Variants in PHYH observed in about 807,000 individuals in gnomAD.
The protein encoded by PHYH is phytanoyl-CoA dioxygenase, peroxisomal.
A neutral mutation model predicts 38.5 loss-of-function variants in PHYH; 32 were observed. The observed-to-expected ratio is 0.83, with a 90% CI of 0.63 to 1.12. The LOEUF is 1.12. PHYH is among the 50% of genes most tolerant of loss of function. The pLI, the probability that PHYH is intolerant of heterozygous loss-of-function variation, is 0.00. For synonymous variants in PHYH, 166 were observed against 157.9 expected (o/e 1.05, Z -0.38); for missense variants, 426 against 434.8 (o/e 0.98, Z 0.18).
intron 6 of PHYH, 54 bp from the exon 7 acceptor site, chr10:13,283,893 C>G: frequency 7.0e-6 from 10 of 1,432,692 alleles, no homozygotes; most frequent in Non-Finnish European, 9.9e-6. Flanking sequence ...TAATTAAAAA[C>G]ATTGTCAATG....
At position 13,281,096 on chromosome 10, in the gene PHYH, A is replaced by G; in HGVS notation, c.843T>C (p.His281=). Residue 281 remains histidine, a synonymous_variant, in exon 8 of 9, where the codon CAT becomes CAC. Transcript: ENST00000263038. ...TQGFRKAISC[H]FASADCHYID... ...TGTAGTGGCAATCGGCACTGGCGAA[A>G]TGGCAGGAAATTGCCTGTGCAAAGT... is the stretch of plus-strand genomic sequence containing the variant. 6.2e-7 allele frequency: 1 copy of G among 1,614,242 alleles called. No homozygotes were observed. The highest frequency in any genetic ancestry group is 1.3e-5 in the African/African-American group (1 of 75,068).
At chr10:13,284,798 GGTAA>G (rs3839913) in intron 6 of PHYH, among the ~76,000 whole-genome samples, 10,472 of 152,186 alleles carry the variant, frequency 0.069, 471 homozygotes, top group Non-Finnish European at 0.11. Flanking sequence ...TAGGAGTCAG[GGTAA>G]GGGAAGCAGC....
chr10:13,284,026 T>A (rs1208979484), intron 6 of PHYH, among the ~76,000 whole-genome samples, 187 bp from the exon 7 acceptor site: 1 of 152,168 alleles, frequency 6.6e-6, no homozygotes, highest in African/African-American at 2.4e-5. Context: ...ATCTGGTTTT[T>A]AAGAGTCACA....
chr10:13,288,037 G>A (rs183899738), intron 6 of PHYH, among the ~76,000 whole-genome samples: 60 of 152,266 alleles, frequency 3.9e-4, no homozygotes, highest in Admixed American at 2.9e-3. Context: ...AAAATTAGCC[G>A]GGCGTGGTGG....
chr10:13,298,245 C>G lies in PHYH; in HGVS notation c.76G>C (p.Val26Leu). The part of the protein sequence containing the change: ...HLGRPSAGAV[V>L]AHPTSGTISS... ...ATAGTCCCTGAAGTGGGATGAGCTA[C>G]CTAGGATGTGAATTAAGGCAAATAA... The change falls in exon 2 of 9, where the codon GTA becomes CTA. Residue 26 changes from valine (V) to leucine (L), a missense_variant and splice_region_variant. Coordinates refer to ENST00000263038, the MANE Select transcript of PHYH (RefSeq NM_006214.4). The G allele has an allele frequency of 6.3e-7, 1 of 1,593,792 alleles. No homozygotes were observed. The highest frequency in any genetic ancestry group is 8.6e-7 in the Non-Finnish European group (1 of 1,161,664).
intron 6 of PHYH, among the ~76,000 whole-genome samples, chr10:13,287,306 T>A (rs1835576754): frequency 6.6e-6 from 1 of 151,912 alleles, no homozygotes; most frequent in African/African-American, 2.4e-5. Context: ...GCCATTACAC[T>A]CTAGCCTGGT....
At chr10:13,296,741 C>A (rs913566288) in intron 2 of PHYH, among the ~76,000 whole-genome samples, 1 of 136,932 alleles carries the variant, frequency 7.3e-6, no homozygotes, top group Non-Finnish European at 1.6e-5. Flanking sequence ...GGGCGGATCA[C>A]GAGGTCAGAT....
At chr10:13,282,029 T>G (rs1198476988) in intron 7 of PHYH, among the ~76,000 whole-genome samples, 2 of 151,978 alleles carry the variant, frequency 1.3e-5, no homozygotes, top group African/African-American at 4.8e-5. Context: ...GAGGATCACT[T>G]GAGGCCAGGA....
At position 13,300,007 on chromosome 10, in the gene PHYH, A is replaced by G. The variant is rs1832707187; in HGVS notation, c.36T>C (p.Ile12=). ...AGGGGCGGCCGAGGTGGCCCAGAAC[A>G]ATCTGCAGACGGGCGGCGGCGCGAA... ...EQLRAAARLQ[I]VLGHLGRPSA... The change falls in exon 1 of 9, where the codon ATT becomes ATC. Residue 12 remains isoleucine, a synonymous_variant. Coordinates refer to ENST00000263038, the MANE Select transcript of PHYH (RefSeq NM_006214.4). 3 of 1,532,614 alleles carry G rather than the reference A, an allele frequency of 2.0e-6. No individual in the cohort carries two copies. The highest frequency in any genetic ancestry group is 2.6e-6 in the Non-Finnish European group (3 of 1,144,560). The allele number at this position is 1,532,614 out of a possible 1,614,324, so 94.9% of individuals were successfully genotyped here. A position where few individuals can be genotyped will look rare whatever the true frequency, so the allele number is the denominator to read the frequency against.
At chr10:13,283,984 CA>C (rs1835482908) in intron 6 of PHYH, 145 bp from the exon 7 acceptor site, 1 of 853,020 alleles carries the variant, frequency 1.2e-6, no homozygotes, top group Non-Finnish European at 2.0e-6. Flanking sequence ...TAAATGCTTA[CA>C]TTTTTTTCAG....
intron 5 of PHYH, chr10:13,291,530 T>C (rs1835710493): frequency 2.4e-6 from 1 of 414,954 alleles, no homozygotes; most frequent in South Asian, 2.5e-5. Flanking sequence ...TCACGCAGGC[T>C]GGAGAGCATG....
intron 6 of PHYH, 67 bp from the exon 7 acceptor site, chr10:13,283,906 TCATCAGGGAAAGCAAA>T: frequency 7.6e-7 from 1 of 1,311,722 alleles, no homozygotes; most frequent in Non-Finnish European, 1.1e-6. Flanking sequence ...TGTCAATGGT[TCATCAGGGAAAGCAAA>T]CATCAGGGAA....
Position 13,285,965 on chromosome 10 carries a change from T to C in PHYH, c.679-2126A>G, listed in dbSNP as rs182678928. Among the ~76,000 whole-genome samples, 353 of 152,142 alleles carry C rather than the reference T, an allele frequency of 2.3e-3. 2 individuals are homozygous for C. Among genetic ancestry groups the C allele is most frequent in the African/African-American group, 8.1e-3 (338 of 41,506 alleles). ...CTCTGTCACCCAGGCTGGAGTGCAG[T>C]GGCACCAACATAGCCCACTGCAGCC... On this transcript the variant is annotated intron_variant, in intron 6 of 8. Transcript: ENST00000263038.
rs7916926 is a variant in PHYH at position 13,298,293 on chromosome 10, A to G, written c.76-48T>C. 536,004 of 1,190,732 alleles carry G rather than the reference A, an allele frequency of 0.45. 126,458 individuals are homozygous for G. The highest frequency in any genetic ancestry group is 0.67 in the East Asian group (28,564 of 42,408). The allele number at this position is 1,190,732 out of a possible 1,614,324, so 73.8% of individuals were successfully genotyped here. Reference sequence around the variant, plus strand: ...TAAAGTAAAATATAGAAGGCCAGGCACGGTGGCTCATGCCTGTAATTCCAG... The same window carrying G: ...TAAAGTAAAATATAGAAGGCCAGGCGCGGTGGCTCATGCCTGTAATTCCAG... On this transcript the variant is annotated intron_variant, in intron 1 of 8. Coordinates refer to ENST00000263038, the MANE Select transcript of PHYH (RefSeq NM_006214.4).
At chr10:13,297,058 T>G (rs1287529822) in intron 2 of PHYH, among the ~76,000 whole-genome samples, 2 of 151,998 alleles carry the variant, frequency 1.3e-5, no homozygotes, top group Admixed American at 6.6e-5. Flanking sequence ...AGACACTATA[T>G]GAAAAAAAGA....
chr10:13,283,642 G>A lies in PHYH; in HGVS notation c.828+48C>T, dbSNP rs375520706. ...ATTCAATGAATTGAATACAATTTTT[G>A]TTTCTAACCCACACTTCTGCAGCAG... On this transcript the variant is annotated intron_variant, in intron 7 of 8. Transcript: ENST00000263038. The A allele has an allele frequency of 1.3e-5, 20 of 1,580,470 alleles. No homozygotes were observed. The African/African-American group carries it at 2.4e-4, about 19-fold the overall frequency.
chr10:13,291,622 G>A (rs1835712563), intron 5 of PHYH: 1 of 559,502 alleles, frequency 1.8e-6, no homozygotes, highest in African/African-American at 1.9e-5. Context: ...GGGACTACAA[G>A]TGCATACCAC....
At chr10:13,295,870 T>C (rs1835836130) in intron 2 of PHYH, among the ~76,000 whole-genome samples, 2 of 148,502 alleles carry the variant, frequency 1.3e-5, no homozygotes, top group African/African-American at 2.5e-5. Flanking sequence ...CCTAAAAATA[T>C]GTATCAAGAA....
At chr10:13,299,931 C>A (rs764153295) in intron 1 of PHYH, 37 bp downstream of exon 1, 1 of 1,496,090 alleles carries the variant, frequency 6.7e-7, no homozygotes, top group Non-Finnish European at 8.9e-7. Flanking sequence ...GCGCCGGCGC[C>A]GGATCCAGCC....
Sources: gnomAD v4.1 joint callset for allele counts (sites outside exome capture counted in the v4.1 genomes callset) on GRCh38, gnomAD v4.1.1 for gene constraint, MANE v1.5 for transcripts, NCBI Gene and HGNC (gene_info 2026-07-23, HGNC 2026-07-21) for gene names.